The following NECTIN3 variants were observed in gnomAD, a reference collection of about 807,000 sequenced individuals.
NECTIN3 encodes the protein nectin cell adhesion molecule 3.
In NECTIN3, 8 loss-of-function variants were observed where a neutral mutation model predicts 49.4. The observed-to-expected ratio is 0.16, with a 90% confidence interval of 0.10 to 0.29. NECTIN3 has a LOEUF of 0.29. Among genes scored for constraint, NECTIN3 ranks in the 10% least tolerant of loss-of-function variants. The pLI is 1.00. For missense variants in NECTIN3, 581 were observed against 654.6 expected, an observed-to-expected ratio of 0.89 and a Z score of 1.23; for synonymous variants, 277 against 241.1, an observed-to-expected ratio of 1.15 and a Z score of -1.38.
rs968408090 is a variant in NECTIN3, at chr3:111,072,078, T to G, written c.61T>G (p.Ser21Ala). The G allele has an allele frequency of 6.5e-7, 1 of 1,549,154 alleles. No homozygotes were observed. The highest frequency in any genetic ancestry group is 8.7e-7 in the Non-Finnish European group (1 of 1,146,070). ...CPGGGKAQLS[S>A]ASLLGAGLLL... The stretch of plus-strand genomic sequence containing the variant: ...TGGAGGCGGCAAAGCACAACTTTCC[T>G]CCGCTTCTCTCCTCGGAGCCGGGCT... The change falls in exon 1 of 6, where the codon TCC becomes GCC. Residue 21 changes from serine (S) to alanine (A), a missense_variant. Transcript: ENST00000485303.
chr3:111,148,260 T>A (rs772408182), intron 7 of NECTIN3, among the ~76,000 whole-genome samples: 2 of 152,180 alleles, frequency 1.3e-5, no homozygotes, highest in Admixed American at 6.5e-5. Flanking sequence ...GTGGAAAAAT[T>A]CTAAAGGAAT....
At chr3:111,078,175 G>C (rs1345571145) in intron 1 of NECTIN3, among the ~76,000 whole-genome samples, 1 of 152,112 alleles carries the variant, frequency 6.6e-6, no homozygotes, top group African/African-American at 2.4e-5. Flanking sequence ...GTTCAAGTCT[G>C]AACCTTTAAT....
At chr3:111,178,694 T>C (rs1004145497) in intron 7 of NECTIN3, among the ~76,000 whole-genome samples, 2 of 152,250 alleles carry the variant, frequency 1.3e-5, no homozygotes, top group South Asian at 4.1e-4. Flanking sequence ...TCCTCACTTA[T>C]ATGCCATCTG....
chr3:111,178,675 T>C (rs1388611594), intron 7 of NECTIN3, among the ~76,000 whole-genome samples: 1 of 152,246 alleles, frequency 6.6e-6, no homozygotes, highest in Non-Finnish European at 1.5e-5. Flanking sequence ...TGAGCATCAC[T>C]GGTCTTTCTC....
At chr3:111,117,949 C>G (rs1318648394) in intron 2 of NECTIN3, among the ~76,000 whole-genome samples, 1 of 151,818 alleles carries the variant, frequency 6.6e-6, no homozygotes, top group Non-Finnish European at 1.5e-5. Flanking sequence ...GTAAACTTAA[C>G]TATTAGTGAT....
chr3:111,118,825 G>A lies in NECTIN3; in HGVS notation c.672G>A (p.Thr224=), dbSNP rs182177575. ...ESTTTSFPNE[T]ATIISQYKLF... is the part of the protein sequence containing the mutation. ...CTACAACTTCTTTTCCAAATGAAAC[G>A]GCAACGATTATCAGCCAGTACAAGC... Residue 224 remains threonine (T), a synonymous_variant, in exon 3 of 6, where the codon ACG becomes ACA. Coordinates refer to ENST00000485303, the MANE Select transcript of NECTIN3 (RefSeq NM_015480.3). 9 of 1,613,986 alleles carry A rather than the reference G, an allele frequency of 5.6e-6. No homozygotes were observed. Among genetic ancestry groups the A allele is most frequent in the South Asian group, 2.2e-5 (2 of 91,070 alleles).
chr3:111,135,260 A>AT lies in NECTIN3; in HGVS notation c.*1045_*1046insT. The AT allele has an allele frequency of 1.0e-6, 1 of 969,348 alleles. No homozygotes were observed. Among genetic ancestry groups the AT allele is most frequent in the Non-Finnish European group, 1.2e-6 (1 of 815,674 alleles). 60.0% of individuals were successfully genotyped at this position (969,348 alleles called of 1,614,324 possible). A position where few individuals can be genotyped will look rare whatever the true frequency, so the allele number is the denominator to read the frequency against. On this transcript the variant is annotated 3_prime_UTR_variant, in exon 6 of 6. Coordinates refer to ENST00000485303, the MANE Select transcript of NECTIN3 (RefSeq NM_015480.3). ...GGAACTTTGGATATAACTAGAAAAA[A>AT]CTAGATTATAGAATTAGTCGGTAAC...
At chr3:111,172,355 G>T (rs573317425) in intron 7 of NECTIN3, among the ~76,000 whole-genome samples, 1 of 152,198 alleles carries the variant, frequency 6.6e-6, no homozygotes, top group South Asian at 2.1e-4. Context: ...AGATATATAT[G>T]AGGTGACATA....
intron 7 of NECTIN3, among the ~76,000 whole-genome samples, chr3:111,184,606 T>C (rs998789461): frequency 1.2e-4 from 18 of 152,230 alleles, no homozygotes; most frequent in African/African-American, 3.9e-4. Context: ...TATTCTGTTA[T>C]AGCAACACAA....
chr3:111,076,071 A>G (rs1191000196), intron 1 of NECTIN3, among the ~76,000 whole-genome samples: 1 of 152,140 alleles, frequency 6.6e-6, no homozygotes, highest in African/African-American at 2.4e-5. Context: ...ATCAGAAATA[A>G]TAATTGGAAA....
intron 1 of NECTIN3, among the ~76,000 whole-genome samples, chr3:111,106,546 C>T (rs752310652): frequency 6.6e-6 from 1 of 151,978 alleles, no homozygotes; most frequent in Admixed American, 6.6e-5. Context: ...ATTGAAAAAC[C>T]TTTTTGTTAT....
intron 1 of NECTIN3, among the ~76,000 whole-genome samples, chr3:111,094,475 A>G (rs1206084046): frequency 1.3e-5 from 2 of 152,280 alleles, no homozygotes; most frequent in East Asian, 3.9e-4. Context: ...TTCATAAAAG[A>G]TACGTTAAAA....
intron 7 of NECTIN3, among the ~76,000 whole-genome samples, chr3:111,174,378 T>C (rs1259374947): frequency 6.6e-6 from 1 of 152,218 alleles, no homozygotes; most frequent in Admixed American, 6.5e-5. Flanking sequence ...TCACTTAATA[T>C]GAACGTTCAA....
chr3:111,072,087 C>G lies in NECTIN3; in HGVS notation c.70C>G (p.Leu24Val), dbSNP rs1217225030. The G allele has an allele frequency of 5.8e-6, 9 of 1,549,410 alleles. No homozygotes were observed. Among genetic ancestry groups the G allele is most frequent in the Non-Finnish European group, 7.9e-6 (9 of 1,146,154 alleles). Residue 24 changes from leucine to valine, a missense_variant, in exon 1 of 6, where the codon CTC (leucine) becomes GTC (valine). By Grantham distance (32) the Leu-to-Val change is conservative. Around this residue, in one of 3 missense-constraint regions of NECTIN3, gnomAD observed 109 missense variants for 69.1 expected, o/e 1.58. Coordinates refer to ENST00000485303, the MANE Select transcript of NECTIN3 (RefSeq NM_015480.3). ...GGKAQLSSAS[L>V]LGAGLLLQPP... The stretch of plus-strand genomic sequence containing the variant: ...CAAAGCACAACTTTCCTCCGCTTCT[C>G]TCCTCGGAGCCGGGCTCCTGCTGCA...
At chr3:111,106,297 AGAAAT>A (rs1218278082) in intron 1 of NECTIN3, among the ~76,000 whole-genome samples, 1 of 152,216 alleles carries the variant, frequency 6.6e-6, no homozygotes, top group Admixed American at 6.5e-5. Context: ...GAATGAATGA[AGAAAT>A]GGTTGGTTTT....
chr3:111,182,373 T>TA (rs1465809570), intron 7 of NECTIN3, among the ~76,000 whole-genome samples: 2 of 152,132 alleles, frequency 1.3e-5, no homozygotes, highest in African/African-American at 4.8e-5. Flanking sequence ...TCAAGTCTTA[T>TA]AAATATGTAC....
chr3:111,124,572 T>G (rs954209433), intron 4 of NECTIN3, among the ~76,000 whole-genome samples: 7 of 152,202 alleles, frequency 4.6e-5, no homozygotes, highest in Non-Finnish European at 1.0e-4. Flanking sequence ...TTCCAAAGCC[T>G]TCTAAAGAAA....
intron 5 of NECTIN3, among the ~76,000 whole-genome samples, chr3:111,143,352 T>C (rs946274715): frequency 6.6e-6 from 1 of 151,878 alleles, no homozygotes; most frequent in African/African-American, 2.4e-5. Context: ...GGAAACGTTA[T>C]TGAAATGAGT....
intron 1 of NECTIN3, among the ~76,000 whole-genome samples, chr3:111,095,051 C>T (rs1263231923): frequency 6.6e-6 from 1 of 152,020 alleles, no homozygotes; most frequent in Non-Finnish European, 1.5e-5. Flanking sequence ...GCTCTAAGAG[C>T]CATTCTGTAA....
Sources: allele counts gnomAD v4.1 joint callset (sites outside exome capture counted in the v4.1 genomes callset), GRCh38; gene constraint gnomAD v4.1.1; regional missense constraint gnomAD v4.1.1; transcripts MANE v1.5; gene names NCBI Gene and HGNC (gene_info 2026-07-23, HGNC 2026-07-21).